Variants in PAFAH1B1 observed in about 807,000 individuals in gnomAD.
The protein encoded by PAFAH1B1 is platelet-activating factor acetylhydrolase IB subunit beta.
In PAFAH1B1, 2 loss-of-function variants were observed where a neutral mutation model predicts 57.5. That is an observed-to-expected ratio of 0.03 (90% CI 0.01 to 0.11). The LOEUF (loss-of-function observed/expected upper bound fraction) is 0.11. Ranked by LOEUF, PAFAH1B1 falls within the 10% of genes least tolerant of loss-of-function variation. The probability of loss-of-function intolerance (pLI) is 1.00; values close to 1 mark genes in which losing one functional copy is unlikely to be tolerated. For synonymous variants in PAFAH1B1, 152 were observed against 169.6 expected, an observed-to-expected ratio of 0.90 and a Z score of 0.81; for missense variants, 257 against 512.0, an observed-to-expected ratio of 0.50 and a Z score of 4.81.
intron 1 of PAFAH1B1, among the ~76,000 whole-genome samples, chr17:2,626,576 C>T (rs1342966292): frequency 4.8e-5 from 6 of 124,718 alleles, no homozygotes; most frequent in East Asian, 3.0e-4. Flanking sequence ...CCCCCCGAGG[C>T]GGAGTCTTGT....
intron 1 of PAFAH1B1, among the ~76,000 whole-genome samples, chr17:2,623,027 G>A (rs1714441892): frequency 6.6e-6 from 1 of 152,150 alleles, no homozygotes; most frequent in South Asian, 2.1e-4. Flanking sequence ...GGGACACAGG[G>A]TACCAAGTCC....
chr17:2,639,607 T>TC (rs1476540715), intron 2 of PAFAH1B1: 1 of 152,074 alleles, frequency 6.6e-6, no homozygotes, highest in Non-Finnish European at 1.5e-5. Context: ...CTACTTCTTT[T>TC]TTTTTTTGAG....
intron 2 of PAFAH1B1, among the ~76,000 whole-genome samples, chr17:2,650,911 T>G (rs2068841071): frequency 6.6e-6 from 1 of 152,188 alleles, no homozygotes; most frequent in African/African-American, 2.4e-5. Context: ...TCACCCATGG[T>G]CATGTGTTGC....
intron 2 of PAFAH1B1, among the ~76,000 whole-genome samples, chr17:2,663,523 G>A (rs2069049495): frequency 6.6e-6 from 1 of 152,036 alleles, no homozygotes; most frequent in Admixed American, 6.6e-5. Context: ...AAAGTGCTGG[G>A]ATTACAGGTG....
chr17:2,671,071 G>A (rs900454312), intron 6 of PAFAH1B1, among the ~76,000 whole-genome samples: 3 of 152,198 alleles, frequency 2.0e-5, no homozygotes, highest in African/African-American at 2.4e-5. Context: ...CAAGGAACAC[G>A]TTAACACATG....
intron 2 of PAFAH1B1, among the ~76,000 whole-genome samples, chr17:2,648,925 ATATT>A (rs138490936): frequency 0.27 from 40,689 of 151,844 alleles, 5,640 homozygotes; most frequent in Middle Eastern, 0.35. Context: ...ATTTCAGTAT[ATATT>A]TGAGATTCCA....
intron 1 of PAFAH1B1, among the ~76,000 whole-genome samples, chr17:2,622,661 C>G (rs2068439177): frequency 6.6e-6 from 1 of 152,198 alleles, no homozygotes; most frequent in Non-Finnish European, 1.5e-5. Context: ...GGCGACAGTG[C>G]AAGCTGTCGG....
chr17:2,612,566 A>G (rs2068279843), intron 1 of PAFAH1B1, among the ~76,000 whole-genome samples: 3 of 151,568 alleles, frequency 2.0e-5, no homozygotes, highest in South Asian at 4.2e-4. Flanking sequence ...TGTATCAGAT[A>G]ATTTCTAGAT....
chr17:2,619,026 A>G (rs1429924512), intron 1 of PAFAH1B1, among the ~76,000 whole-genome samples: 8 of 151,570 alleles, frequency 5.3e-5, no homozygotes, highest in Admixed American at 5.3e-4. Context: ...ATTCTTCACG[A>G]TGTTAAACGA....
intron 1 of PAFAH1B1, among the ~76,000 whole-genome samples, chr17:2,600,978 C>T (rs1189651263): frequency 6.6e-6 from 1 of 152,018 alleles, no homozygotes; most frequent in African/African-American, 2.4e-5. Context: ...GTGATCTACC[C>T]ACTTCAGTGT....
At position 2,682,841 on chromosome 17, in the gene PAFAH1B1, G is replaced by T. The variant is rs1419950977; in HGVS notation, c.*1039G>T. ...TTTCACTTACAAGTTTTAAAAAAAT[G>T]ACAGGGTTTAATGGAGCGTGCATAA... On this transcript the variant is annotated 3_prime_UTR_variant, in exon 11 of 11. Coordinates refer to ENST00000397195, the MANE Select transcript of PAFAH1B1 (RefSeq NM_000430.4). The T allele has an allele frequency of 1.3e-5, 2 of 152,588 alleles. No homozygotes were observed. Among genetic ancestry groups the T allele is most frequent in the Non-Finnish European group, 2.9e-5 (2 of 68,018 alleles). The allele number at this position is 152,588 out of a possible 1,614,324, so 9.5% of individuals were successfully genotyped here.
At chr17:2,652,692 A>G (rs1033432297) in intron 2 of PAFAH1B1, among the ~76,000 whole-genome samples, 4 of 152,188 alleles carry the variant, frequency 2.6e-5, no homozygotes, top group Non-Finnish European at 5.9e-5. Flanking sequence ...ATAGCTGCAC[A>G]TGTTCATGTA....
Position 2,651,887 on chromosome 17 carries a change from T to C in PAFAH1B1, c.33-13485T>C, listed in dbSNP as rs1005141971. ...CATAGTTGACATTAGGGTTTACTCT[T>C]TTTGTTGTATATTCTGTTGGTTTTG... On this transcript the variant is annotated intron_variant, in intron 2 of 10. Transcript: ENST00000397195. 7.2e-5 allele frequency among the ~76,000 whole-genome samples: 11 copies of C among 152,304 alleles called. 1 individual carries two copies. In the Middle Eastern group the frequency reaches 0.017, roughly 235 times the overall value.
intron 10 of PAFAH1B1, 199 bp from the exon 11 acceptor site, chr17:2,681,530 G>A: frequency 1.8e-6 from 1 of 569,668 alleles, no homozygotes; most frequent in South Asian, 2.1e-5. Context: ...CAGTGGTGCA[G>A]TCATGGCTCG....
intron 1 of PAFAH1B1, among the ~76,000 whole-genome samples, chr17:2,607,682 C>T (rs1266694980): frequency 6.6e-6 from 1 of 151,902 alleles, no homozygotes; most frequent in African/African-American, 2.4e-5. Flanking sequence ...CAGGGTTTCA[C>T]CATGTTGGGG....
chr17:2,659,416 AG>A, intron 2 of PAFAH1B1: 1 of 281,654 alleles, frequency 3.6e-6, no homozygotes, highest in Non-Finnish European at 7.1e-6. Context: ...ACACGCCTGT[AG>A]TCCCAGCTAC....
At chr17:2,633,048 T>A (rs970442249) in intron 1 of PAFAH1B1, among the ~76,000 whole-genome samples, 13 of 152,320 alleles carry the variant, frequency 8.5e-5, no homozygotes, top group Admixed American at 8.5e-4. Flanking sequence ...ATAACTATAA[T>A]CATACCCCTG....
At chr17:2,612,196 T>C (rs564280672) in intron 1 of PAFAH1B1, among the ~76,000 whole-genome samples, 1 of 152,076 alleles carries the variant, frequency 6.6e-6, no homozygotes, top group Admixed American at 6.5e-5. Flanking sequence ...ATGTGCCATT[T>C]TGGGAAAATG....
chr17:2,627,207 A>C (rs1052746429), intron 1 of PAFAH1B1, among the ~76,000 whole-genome samples: 2 of 152,180 alleles, frequency 1.3e-5, no homozygotes, highest in African/African-American at 4.8e-5. Context: ...GTTACCTTCT[A>C]GAATTTTTAG....
Sources: gnomAD v4.1 joint callset for allele counts (sites outside exome capture counted in the v4.1 genomes callset) on GRCh38, gnomAD v4.1.1 for gene constraint, MANE v1.5 for transcripts, NCBI Gene and HGNC (gene_info 2026-07-23, HGNC 2026-07-21) for gene names.